The following VPS13C variants were observed in gnomAD, a reference collection of about 807,000 sequenced individuals.
VPS13C encodes vacuolar protein sorting 13 homolog C, also known as intermembrane lipid transfer protein VPS13C.
Under a neutral mutation model 456.8 loss-of-function variants are expected in VPS13C, and 358 were observed. That is an observed-to-expected ratio of 0.78 (90% CI 0.72 to 0.86). The LOEUF (loss-of-function observed/expected upper bound fraction) is 0.86, where lower values mean the gene tolerates loss of function less well. VPS13C is among the 40% of genes least tolerant of loss of function. The probability of loss-of-function intolerance (pLI) is 0.00; values close to 1 mark genes in which losing one functional copy is unlikely to be tolerated. For synonymous variants in VPS13C, 1,578 were observed against 1,486.7 expected (o/e 1.06, Z -1.41); for missense variants, 4,818 against 4,385.4 (o/e 1.10, Z -2.79).
intron 9 of VPS13C, among the ~76,000 whole-genome samples, chr15:62,016,834 G>A (rs1039723812): frequency 1.3e-5 from 2 of 152,104 alleles, no homozygotes; most frequent in African/African-American, 4.8e-5. Flanking sequence ...CTAGATCCCT[G>A]AGGAATCGCC....
chr15:61,961,743 T>C lies in VPS13C; in HGVS notation c.3754A>G (p.Ile1252Val), dbSNP rs966553004. 15 of 1,613,928 alleles carry C rather than the reference T, an allele frequency of 9.3e-6. No individual in the cohort carries two copies. Among genetic ancestry groups the C allele is most frequent in the Non-Finnish European group, 1.3e-5 (15 of 1,179,962 alleles). Reference protein sequence around the residue: ...NIDLKAPVIVIPQSSISTNAV... With the variant: ...NIDLKAPVIVVPQSSISTNAV... The stretch of plus-strand genomic sequence containing the variant: ...TTGGTGGAAATAGAAGACTGTGGGA[T>C]GACTATAACCGGTGCTTTCAAATCA... Residue 1252 changes from isoleucine (I) to valine (V), a missense_variant, in exon 35 of 85, where the codon ATC (isoleucine) becomes GTC (valine). Ile to Val is a conservative substitution (Grantham distance 29, BLOSUM62 3). This residue lies in a region of VPS13C where 4,552 missense variants were observed against 4,130.6 expected (regional missense o/e 1.10). Coordinates refer to ENST00000644861, the MANE Select transcript of VPS13C (RefSeq NM_020821.3).
intron 48 of VPS13C, among the ~76,000 whole-genome samples, 155 bp from the exon 49 acceptor site, chr15:61,934,486 C>A (rs2044159399): frequency 6.6e-6 from 1 of 152,084 alleles, no homozygotes; most frequent in African/African-American, 2.4e-5. Context: ...TATGTTCCAA[C>A]TGTTAAATTT....
intron 38 of VPS13C, 88 bp downstream of exon 38, chr15:61,954,333 T>C: frequency 7.0e-7 from 1 of 1,423,900 alleles, no homozygotes; most frequent in South Asian, 1.3e-5. Context: ...TTTTCATCAG[T>C]ATCAATTATC....
chr15:62,039,181 A>T (rs1001635254), intron 3 of VPS13C, among the ~76,000 whole-genome samples: 1 of 152,112 alleles, frequency 6.6e-6, no homozygotes, highest in Non-Finnish European at 1.5e-5. Context: ...ACACAACCAA[A>T]CTAAGTGTCC....
intron 60 of VPS13C, among the ~76,000 whole-genome samples, chr15:61,916,472 A>C (rs1477425749): frequency 6.6e-6 from 1 of 152,228 alleles, no homozygotes; most frequent in African/African-American, 2.4e-5. Flanking sequence ...TACTCTGACG[A>C]GTTATCTAAG....
intron 1 of VPS13C, among the ~76,000 whole-genome samples, chr15:62,050,086 C>T (rs1208368579): frequency 6.6e-6 from 1 of 152,164 alleles, no homozygotes; most frequent in Non-Finnish European, 1.5e-5. Context: ...TAACTGAATG[C>T]CCTTTATTTC....
chr15:61,926,025 A>G (rs1048332504), intron 52 of VPS13C, among the ~76,000 whole-genome samples: 3 of 152,220 alleles, frequency 2.0e-5, no homozygotes, highest in African/African-American at 7.2e-5. Context: ...ATATTCTTAT[A>G]TATCATTAAA....
In VPS13C at chr15:61,873,337, T is replaced by C. The variant is rs150311361; in HGVS notation, c.10487A>G (p.Lys3496Arg). ...GKGLAAITMD[K>R]EYQQKRREEL... ...TTCTCTTCTTTTTTGCTGATATTCCTTGTCCATTGTAATTGCTGCCAAACC... is the reference window on the plus strand; with the variant it reads ...TTCTCTTCTTTTTTGCTGATATTCCCTGTCCATTGTAATTGCTGCCAAACC... The change falls in exon 78 of 85, where the codon AAG (lysine) becomes AGG (arginine). Residue 3496 changes from lysine to arginine, a missense_variant. This residue lies in a region of VPS13C where 4,552 missense variants were observed against 4,130.6 expected (regional missense o/e 1.10). Transcript: ENST00000644861. The C allele has an allele frequency of 1.1e-5, 17 of 1,613,878 alleles. No individual in the cohort carries two copies. Among genetic ancestry groups the C allele is most frequent in the Non-Finnish European group, 1.4e-5 (17 of 1,179,820 alleles).
At chr15:61,926,240 A>C (rs938824190) in intron 52 of VPS13C, among the ~76,000 whole-genome samples, 1 of 152,178 alleles carries the variant, frequency 6.6e-6, no homozygotes, top group African/African-American at 2.4e-5. Context: ...TCTCTACAAA[A>C]AATTAATTAA....
intron 64 of VPS13C, among the ~76,000 whole-genome samples, chr15:61,909,331 C>G (rs1190597259): frequency 6.6e-6 from 1 of 152,162 alleles, no homozygotes; most frequent in Non-Finnish European, 1.5e-5. Context: ...CCCCAGCCTT[C>G]CGAATAGCTG....
At chr15:61,962,609 G>T in intron 33 of VPS13C, 71 bp from the exon 34 acceptor site, 1 of 1,452,972 alleles carries the variant, frequency 6.9e-7, no homozygotes, top group Non-Finnish European at 9.2e-7. Flanking sequence ...TTTACAAAAG[G>T]CTTTACATTT....
chr15:61,967,255 A>C (rs2045405743), intron 29 of VPS13C, 113 bp downstream of exon 29: 2 of 839,972 alleles, frequency 2.4e-6, no homozygotes, highest in Non-Finnish European at 3.7e-6. Flanking sequence ...TTTCCCTCTA[A>C]TTAGAAACTG....
intron 1 of VPS13C, among the ~76,000 whole-genome samples, chr15:62,055,106 T>C (rs1331360889): frequency 1.3e-5 from 2 of 152,220 alleles, no homozygotes; most frequent in Non-Finnish European, 2.9e-5. Flanking sequence ...TTAAATAAAA[T>C]CTTTAAAGAA....
At chr15:61,904,138 C>T (rs948839231) in intron 66 of VPS13C, among the ~76,000 whole-genome samples, 2 of 151,970 alleles carry the variant, frequency 1.3e-5, no homozygotes, top group African/African-American at 4.8e-5. Context: ...TATAGGATTA[C>T]ATTAAGCTAA....
At chr15:61,901,056 T>G (rs939613673) in intron 66 of VPS13C, among the ~76,000 whole-genome samples, 4 of 151,868 alleles carry the variant, frequency 2.6e-5, no homozygotes, top group Admixed American at 1.3e-4. Context: ...TGGCTAGCCA[T>G]ATGTAGAAAG....
intron 67 of VPS13C, among the ~76,000 whole-genome samples, chr15:61,888,467 G>A (rs1233963824): frequency 6.6e-6 from 1 of 152,080 alleles, no homozygotes; most frequent in African/African-American, 2.4e-5. Flanking sequence ...TAGTTGAATG[G>A]ATAAACAAAC....
In VPS13C at chr15:62,010,544, T is replaced by C; in HGVS notation, c.939A>G (p.Ser313=). The change falls in exon 13 of 85, where the codon TCA becomes TCG. Residue 313 remains serine, a synonymous_variant. Coordinates refer to ENST00000644861, the MANE Select transcript of VPS13C (RefSeq NM_020821.3). ...AATCCAGTTTGGGCGTTTTGAGCTCTGATTCTGCATAAGGATTCATGTAGA... is the reference window on the plus strand; with the variant it reads ...AATCCAGTTTGGGCGTTTTGAGCTCCGATTCTGCATAAGGATTCATGTAGA... ...AKLYMNPYAE[S]ELKTPKLDCN... is the part of the protein sequence containing the mutation. The C allele has an allele frequency of 6.2e-7, 1 of 1,613,616 alleles. No homozygotes were observed. The highest frequency in any genetic ancestry group is 8.5e-7 in the Non-Finnish European group (1 of 1,179,802).
intron 15 of VPS13C, 30 bp downstream of exon 15, chr15:62,007,278 A>G: frequency 7.0e-7 from 1 of 1,437,946 alleles, no homozygotes; most frequent in African/African-American, 1.4e-5. Context: ...TAGACAAATA[A>G]TAGCTCTCAC....
In VPS13C at chr15:61,936,582, A is replaced by T. The variant is rs1360017364; in HGVS notation, c.5755+15T>A. The T allele has an allele frequency of 6.6e-7, 1 of 1,515,718 alleles. No homozygotes were observed. The highest frequency in any genetic ancestry group is 2.3e-5 in the East Asian group (1 of 43,060). 93.9% of individuals were successfully genotyped at this position (1,515,718 alleles called of 1,614,324 possible). ...CCAATTTTTTCTCCATAAAGTAAAT[A>T]TCATCAATTTATACCTTTGAGATGG... is the stretch of plus-strand genomic sequence containing the variant. On this transcript the variant is annotated intron_variant, in intron 48 of 84. Transcript: ENST00000644861.
Sources: allele counts gnomAD v4.1 joint callset (sites outside exome capture counted in the v4.1 genomes callset), GRCh38; gene constraint gnomAD v4.1.1; regional missense constraint gnomAD v4.1.1; transcripts MANE v1.5; gene names NCBI Gene and HGNC (gene_info 2026-07-23, HGNC 2026-07-21).